Variants in LRP5 observed in about 807,000 individuals in gnomAD.
The protein encoded by LRP5 is low-density lipoprotein receptor-related protein 5.
In LRP5, 62 loss-of-function variants were observed where a neutral mutation model predicts 154.1. The observed-to-expected ratio is 0.40, with a 90% CI of 0.33 to 0.50. LRP5 has a LOEUF of 0.50. LRP5 is among the 20% of genes least tolerant of loss of function. The probability of loss-of-function intolerance (pLI) is 0.55; values close to 1 mark genes in which losing one functional copy is unlikely to be tolerated. For synonymous variants in LRP5, 966 were observed against 1,011.5 expected (o/e 0.96, Z 0.85); for missense variants, 1,915 against 2,336.7 (o/e 0.82, Z 3.72).
intron 20 of LRP5, 88 bp downstream of exon 20, chr11:68,438,770 C>T: frequency 1.7e-6 from 2 of 1,159,726 alleles, no homozygotes; most frequent in Non-Finnish European, 2.5e-6. Flanking sequence ...TGTGCTACCC[C>T]AGGCCCTCTT....
At chr11:68,304,588 A>G in the LRP5 span, among the ~76,000 whole-genome samples, 5 of 152,268 alleles carry the variant, frequency 3.3e-5, no homozygotes, top group Admixed American at 1.3e-4. Context: ...TGCACCCTGC[A>G]CCTGGAAAAG....
chr11:68,310,775 G>T (rs76040605), upstream of LRP5, among the ~76,000 whole-genome samples: 1 of 136,368 alleles, frequency 7.3e-6, no homozygotes, highest in Non-Finnish European at 1.6e-5. Flanking sequence ...AAAAAAAAAA[G>T]AGTCCCAGCA....
At position 68,353,501 on chromosome 11, in the gene LRP5, G is replaced by A. The variant is rs551167441; in HGVS notation, c.489-4149G>A. Among the ~76,000 whole-genome samples, 36 of 152,276 alleles carry A rather than the reference G, an allele frequency of 2.4e-4. No homozygotes were observed. Among genetic ancestry groups the A allele is most frequent in the Admixed American group, 2.4e-3 (36 of 15,296 alleles). Reference sequence around the variant, plus strand: ...GCGCCCGCGGCAGCAACCCCTGCTCGCCAAATACTGACTTGAATAGTGGTC... The same window carrying A: ...GCGCCCGCGGCAGCAACCCCTGCTCACCAAATACTGACTTGAATAGTGGTC... On this transcript the variant is annotated intron_variant, in intron 2 of 22. Coordinates refer to ENST00000294304, the MANE Select transcript of LRP5 (RefSeq NM_002335.4). This position sits in a 1 kb window ranked among gnomAD's most constrained non-coding sequence, Gnocchi z 4.5.
chr11:68,427,028 A>G (rs531163), intron 16 of LRP5, among the ~76,000 whole-genome samples: 51,719 of 152,042 alleles, frequency 0.34, 9,606 homozygotes, highest in Middle Eastern at 0.49. Flanking sequence ...AGTCCCTCCC[A>G]CACCTTGAGT....
chr11:68,358,196 GC>G (rs941803746), intron 3 of LRP5, among the ~76,000 whole-genome samples: 12 of 151,606 alleles, frequency 7.9e-5, no homozygotes, highest in Non-Finnish European at 7.4e-5. Context: ...GCTCACTGCA[GC>G]CCCCACCTCC....
In LRP5 at chr11:68,429,704, G is replaced by A; in HGVS notation, c.3763+4G>A. 1 of 1,614,082 alleles carries A rather than the reference G, an allele frequency of 6.2e-7. No homozygotes were observed. The highest frequency in any genetic ancestry group is 1.1e-5 in the South Asian group (1 of 91,082). ...CAGAACCTGCTGACCTGTGGAGGTA[G>A]GTGTGACCTAGGTGCTCCTTTGGGG... On this transcript the variant is annotated splice_donor_region_variant and intron_variant, in intron 17 of 22. Transcript: ENST00000294304.
At chr11:68,400,073 C>T (rs553543213) in intron 7 of LRP5, among the ~76,000 whole-genome samples, 202 of 152,204 alleles carry the variant, frequency 1.3e-3, no homozygotes, top group African/African-American at 4.6e-3. Flanking sequence ...GTGGGAGGCT[C>T]TGCCCATCCA....
chr11:68,403,381 A>AC, intron 7 of LRP5, 102 bp from the exon 8 acceptor site: 1 of 980,870 alleles, frequency 1.0e-6, no homozygotes, highest in Non-Finnish European at 1.6e-6. Flanking sequence ...TGGGCATTGA[A>AC]CCCGTCTTGT....
At chr11:68,299,593 T>G in the LRP5 span, among the ~76,000 whole-genome samples, 68 of 149,336 alleles carry the variant, frequency 4.6e-4, no homozygotes, top group African/African-American at 1.6e-3. Flanking sequence ...GTCTTTTTTT[T>G]TTTTTTTTTT....
chr11:68,416,282 G>A, intron 12 of LRP5, 46 bp from the exon 13 acceptor site: 1 of 1,562,770 alleles, frequency 6.4e-7, no homozygotes, highest in African/African-American at 1.4e-5. Flanking sequence ...CAGCTCCTCT[G>A]TGGCTTACAG....
intron 1 of LRP5, among the ~76,000 whole-genome samples, chr11:68,342,070 C>CT (rs111847163): frequency 0.085 from 11,351 of 133,794 alleles, 1,313 homozygotes; most frequent in African/African-American, 0.27. Flanking sequence ...GTCCTCTTTG[C>CT]TTTTTTTTTT....
At chr11:68,393,811 A>C (rs972110927) in intron 7 of LRP5, among the ~76,000 whole-genome samples, 1 of 152,122 alleles carries the variant, frequency 6.6e-6, no homozygotes, top group South Asian at 2.1e-4. Flanking sequence ...ATAAATAAAA[A>C]TTTATTAAAA....
rs967051341 is a variant in LRP5, at chr11:68,439,590, C to T, written c.4349-187C>T. On this transcript the variant is annotated intron_variant, in intron 20 of 22. Transcript: ENST00000294304. ...TGTCTCCCGTTTCACAGATGAGCCC[C>T]GGGGAGCTCACTCTAGTAGTGGCCA... Among the ~76,000 whole-genome samples the T allele has an allele frequency of 3.3e-5, 5 of 152,282 alleles. No homozygotes were observed. The East Asian group carries it at 5.8e-4, about 18-fold the overall frequency.
At position 68,347,842 on chromosome 11, in the gene LRP5, C is replaced by T; in HGVS notation, c.92-5C>T. 1 of 1,613,086 alleles carries T rather than the reference C, an allele frequency of 6.2e-7. No homozygotes were observed. Among genetic ancestry groups the T allele is most frequent in the Non-Finnish European group, 8.5e-7 (1 of 1,179,992 alleles). On this transcript the variant is annotated splice_region_variant and splice_polypyrimidine_tract_variant and intron_variant, in intron 1 of 22. Coordinates refer to ENST00000294304, the MANE Select transcript of LRP5 (RefSeq NM_002335.4). ...TGGCCCTCACGGTTTGCTTCTGCCCCACAGCCTCGCCGCTCCTGCTATTTG... is the reference window on the plus strand; with the variant it reads ...TGGCCCTCACGGTTTGCTTCTGCCCTACAGCCTCGCCGCTCCTGCTATTTG...
intron 4 of LRP5, among the ~76,000 whole-genome samples, chr11:68,364,872 G>C (rs1371397594): frequency 6.6e-6 from 1 of 152,130 alleles, no homozygotes; most frequent in Admixed American, 6.5e-5. Flanking sequence ...GGAGGGAGAG[G>C]TTCATTTTGA....
intron 1 of LRP5, among the ~76,000 whole-genome samples, chr11:68,320,517 G>A (rs572642001): frequency 4.0e-4 from 60 of 149,218 alleles, no homozygotes; most frequent in African/African-American, 1.4e-3. Flanking sequence ...GTGCAGTGGC[G>A]CGATTGCCAT....
At chr11:68,354,069 T>A (rs944671444) in intron 2 of LRP5, among the ~76,000 whole-genome samples, 54 of 152,310 alleles carry the variant, frequency 3.5e-4, no homozygotes, top group African/African-American at 1.2e-3. Context: ...GGGGCTGCAG[T>A]GGCCCCCGGG....
intron 18 of LRP5, 68 bp from the exon 19 acceptor site, chr11:68,436,821 G>A: frequency 8.9e-7 from 1 of 1,125,018 alleles, no homozygotes; most frequent in Non-Finnish European, 1.4e-6. Flanking sequence ...GACCTTGGTT[G>A]CTGTGCCCTG....
chr11:68,350,470 C>T (rs2098617377), intron 2 of LRP5, among the ~76,000 whole-genome samples: 1 of 152,224 alleles, frequency 6.6e-6, no homozygotes, highest in African/African-American at 2.4e-5. Flanking sequence ...CCCTGTGGGA[C>T]AGTGTCCAAG....
Sources: gnomAD v4.1 joint callset for allele counts (sites outside exome capture counted in the v4.1 genomes callset) on GRCh38, gnomAD v4.1.1 for gene constraint, Gnocchi (gnomAD v3.1) non-coding constraint, MANE v1.5 for transcripts, NCBI Gene and HGNC (gene_info 2026-07-23, HGNC 2026-07-21) for gene names.